Variants in CTNND2 observed in about 807,000 individuals in gnomAD.
CTNND2 encodes the protein catenin delta-2.
In CTNND2, 22 loss-of-function variants were observed where a neutral mutation model predicts 144.4. That is an observed-to-expected ratio of 0.15 (90% CI 0.11 to 0.22). The LOEUF is 0.22. Among genes scored for constraint, CTNND2 ranks in the 10% least tolerant of loss-of-function variants. The pLI is 1.00. For missense variants in CTNND2, 1,353 were observed against 1,618.8 expected, an observed-to-expected ratio of 0.84 and a Z score of 2.82; for synonymous variants, 751 against 695.6, an observed-to-expected ratio of 1.08 and a Z score of -1.25.
At chr5:11,392,754 CAA>C in intron 6 of CTNND2, among the ~76,000 whole-genome samples, 1 of 152,248 alleles carries the variant, frequency 6.6e-6, no homozygotes, top group African/African-American at 2.4e-5. Context: ...ATATGTGAAA[CAA>C]TATGAATTCT....
At chr5:11,592,186 T>TCCTGCCTG (rs980420597) in intron 2 of CTNND2, among the ~76,000 whole-genome samples, 1 of 150,326 alleles carries the variant, frequency 6.7e-6, no homozygotes, top group African/African-American at 2.5e-5. Context: ...CTGCCTGCCT[T>TCCTGCCTG]CCTGCCTGCC....
At chr5:11,631,839 AGCCCCATC>A (rs1330692990) in intron 2 of CTNND2, among the ~76,000 whole-genome samples, 2 of 152,146 alleles carry the variant, frequency 1.3e-5, no homozygotes, top group Non-Finnish European at 2.9e-5. Flanking sequence ...TTTACCATCC[AGCCCCATC>A]GCCCACTTAC....
intron 11 of CTNND2, among the ~76,000 whole-genome samples, chr5:11,166,543 G>A (rs972558433): frequency 5.3e-5 from 8 of 151,622 alleles, no homozygotes; most frequent in African/African-American, 1.2e-4. Context: ...CACCACGCCC[G>A]GCCAAAAAAA....
At chr5:11,901,692 C>G (rs1274468017) in intron 1 of CTNND2, among the ~76,000 whole-genome samples, 1 of 152,132 alleles carries the variant, frequency 6.6e-6, no homozygotes, top group Non-Finnish European at 1.5e-5. Context: ...ACGTACTTAC[C>G]ACAATTGCCA....
chr5:11,634,144 T>C lies in CTNND2; in HGVS notation c.175-69088A>G, dbSNP rs576199869. Among the ~76,000 whole-genome samples, 8 of 152,254 alleles carry C rather than the reference T, an allele frequency of 5.3e-5. No homozygotes were observed. The South Asian group carries it at 8.3e-4, about 16-fold the overall frequency. ...CATTTGGCCACAATCAGTCAAGTCT[T>C]CTCTACATTCAACCGACTATATACT... On this transcript the variant is annotated intron_variant, in intron 2 of 21. Transcript: ENST00000304623.
At chr5:11,051,468 T>C (rs1745816322) in intron 16 of CTNND2, among the ~76,000 whole-genome samples, 1 of 152,228 alleles carries the variant, frequency 6.6e-6, no homozygotes, top group South Asian at 2.1e-4. Context: ...AAGCCACTGG[T>C]TCAAGCTCAT....
At chr5:11,461,140 C>A (rs1766183726) in intron 3 of CTNND2, among the ~76,000 whole-genome samples, 1 of 152,018 alleles carries the variant, frequency 6.6e-6, no homozygotes, top group Admixed American at 6.6e-5. Flanking sequence ...CTAGATGTAA[C>A]CCTCATGAAG....
intron 16 of CTNND2, among the ~76,000 whole-genome samples, chr5:11,060,865 A>T (rs77434198): frequency 3.3e-3 from 510 of 152,372 alleles, no homozygotes; most frequent in Non-Finnish European, 6.0e-3. Context: ...AGAAATGCTT[A>T]TCTACCTGTG....
intron 1 of CTNND2, among the ~76,000 whole-genome samples, chr5:11,751,330 A>T (rs1362226280): frequency 6.6e-6 from 1 of 151,736 alleles, no homozygotes; most frequent in Non-Finnish European, 1.5e-5. Flanking sequence ...TTATTTCATC[A>T]CCCAGGTAAG....
chr5:11,684,226 C>T (rs1243444288), intron 2 of CTNND2, among the ~76,000 whole-genome samples: 5 of 151,932 alleles, frequency 3.3e-5, no homozygotes, highest in South Asian at 2.1e-4. Context: ...CTCAGCCTCC[C>T]GAGTAGCTGG....
At chr5:11,842,881 T>G (rs1008256215) in intron 1 of CTNND2, among the ~76,000 whole-genome samples, 2 of 152,230 alleles carry the variant, frequency 1.3e-5, no homozygotes, top group Non-Finnish European at 2.9e-5. Context: ...TAAACTTGCT[T>G]ATGTGGCAAA....
intron 2 of CTNND2, among the ~76,000 whole-genome samples, chr5:11,636,818 T>C (rs1359823338): frequency 2.6e-5 from 4 of 152,130 alleles, no homozygotes; most frequent in African/African-American, 9.7e-5. Flanking sequence ...GAATGGAGCA[T>C]GAAGAAGGGG....
intron 1 of CTNND2, among the ~76,000 whole-genome samples, chr5:11,831,069 T>G (rs1324010202): frequency 1.3e-5 from 2 of 152,118 alleles, no homozygotes; most frequent in Non-Finnish European, 2.9e-5. Flanking sequence ...TGTGTTTATG[T>G]GTGTCTGCTG....
At chr5:11,837,276 G>T (rs1794234387) in intron 1 of CTNND2, among the ~76,000 whole-genome samples, 3 of 152,128 alleles carry the variant, frequency 2.0e-5, no homozygotes, top group Admixed American at 2.0e-4. Flanking sequence ...AAAACAATGG[G>T]ATCAGATCTT....
At chr5:11,247,298 C>A (rs925748647) in intron 9 of CTNND2, among the ~76,000 whole-genome samples, 1 of 152,052 alleles carries the variant, frequency 6.6e-6, no homozygotes. Flanking sequence ...GAAGGTAGAG[C>A]CTGCAGGAAT....
At chr5:11,501,906 T>C (rs566799594) in intron 3 of CTNND2, among the ~76,000 whole-genome samples, 1 of 151,714 alleles carries the variant, frequency 6.6e-6, no homozygotes, top group African/African-American at 2.4e-5. Flanking sequence ...CAGGTGCCTG[T>C]AGTCCCAGCT....
chr5:11,104,075 G>A (rs61755684), intron 14 of CTNND2, among the ~76,000 whole-genome samples: 27 of 152,154 alleles, frequency 1.8e-4, no homozygotes, highest in African/African-American at 6.5e-4. Flanking sequence ...CTGCTGAGTC[G>A]TATCTTCAGA....
intron 1 of CTNND2, among the ~76,000 whole-genome samples, chr5:11,793,369 A>G (rs938553091): frequency 6.6e-6 from 1 of 152,192 alleles, no homozygotes; most frequent in African/African-American, 2.4e-5. Context: ...TATTGGTTAC[A>G]GGATAAACTG....
At chr5:11,343,753 T>C (rs1408316509) in intron 9 of CTNND2, among the ~76,000 whole-genome samples, 5 of 152,130 alleles carry the variant, frequency 3.3e-5, no homozygotes, top group Non-Finnish European at 7.4e-5. Flanking sequence ...CAAAGGAGGA[T>C]TACATCAAAG....
Sources: allele counts gnomAD v4.1 joint callset (sites outside exome capture counted in the v4.1 genomes callset), GRCh38; gene constraint gnomAD v4.1.1; transcripts MANE v1.5; gene names NCBI Gene and HGNC (gene_info 2026-07-23, HGNC 2026-07-21).